The following PDS5A variants were observed in gnomAD, a reference collection of about 807,000 sequenced individuals.
PDS5A encodes sister chromatid cohesion protein PDS5 homolog A.
PDS5A carries 42 observed loss-of-function variants against 167.1 expected under a neutral mutation model. That is an observed-to-expected ratio of 0.25 (90% CI 0.20 to 0.33). The LOEUF is 0.33. PDS5A is among the 10% of genes least tolerant of loss of function. The pLI, the probability that PDS5A is intolerant of heterozygous loss-of-function variation, is 1.00. For synonymous variants in PDS5A, 553 were observed against 554.6 expected (o/e 1.00, Z 0.04); for missense variants, 1,033 against 1,605.9 (o/e 0.64, Z 6.10).
intron 2 of PDS5A, among the ~76,000 whole-genome samples, chr4:39,942,896 T>A (rs1727355682): frequency 2.6e-5 from 4 of 152,012 alleles, no homozygotes; most frequent in Admixed American, 2.6e-4. Context: ...GATCGTTTGA[T>A]GCCTGGAGTT....
chr4:39,860,235 G>A (rs528241999), intron 26 of PDS5A, among the ~76,000 whole-genome samples: 7 of 151,994 alleles, frequency 4.6e-5, no homozygotes, highest in African/African-American at 1.7e-4. Flanking sequence ...AGGCCCAGGC[G>A]GGTGGATCAC....
intron 18 of PDS5A, among the ~76,000 whole-genome samples, chr4:39,877,625 A>G (rs1560447648): frequency 6.6e-6 from 1 of 152,018 alleles, no homozygotes; most frequent in Non-Finnish European, 1.5e-5. Flanking sequence ...ATAATCTATG[A>G]GAATTTTTTT....
intron 2 of PDS5A, chr4:39,973,733 G>T (rs1236766425): frequency 3.1e-6 from 4 of 1,286,500 alleles, no homozygotes; most frequent in East Asian, 4.6e-5. Flanking sequence ...CATATGCAGA[G>T]AATGGCAAGT....
intron 2 of PDS5A, among the ~76,000 whole-genome samples, chr4:39,960,191 C>G (rs574075061): frequency 5.0e-4 from 76 of 152,082 alleles, no homozygotes; most frequent in Non-Finnish European, 9.1e-4. Flanking sequence ...ATCGCTTGAA[C>G]CCAGGAGGCA....
intron 16 of PDS5A, among the ~76,000 whole-genome samples, chr4:39,897,491 C>T (rs1302909706): frequency 1.3e-5 from 2 of 152,068 alleles, no homozygotes; most frequent in African/African-American, 4.8e-5. Context: ...CTCCACCTCC[C>T]GAGTTCAAGC....
At chr4:39,838,233 T>C in intron 31 of PDS5A, 25 bp from the exon 32 acceptor site, 1 of 1,391,502 alleles carries the variant, frequency 7.2e-7, no homozygotes, top group East Asian at 2.3e-5. Flanking sequence ...AACAATTCTA[T>C]AAACACAAAT....
intron 30 of PDS5A, among the ~76,000 whole-genome samples, chr4:39,842,885 G>A (rs1717152681): frequency 9.4e-6 from 1 of 105,908 alleles, no homozygotes; most frequent in Admixed American, 1.0e-4. Context: ...GAAAATGTTA[G>A]AACAATGTAA....
intron 26 of PDS5A, 68 bp from the exon 27 acceptor site, chr4:39,849,720 A>G (rs1457635236): frequency 6.8e-6 from 7 of 1,033,780 alleles, no homozygotes; most frequent in East Asian, 2.5e-5. Flanking sequence ...TAAATATGTT[A>G]GCTGGGAATT....
intron 5 of PDS5A, among the ~76,000 whole-genome samples, chr4:39,923,005 A>G (rs1234964391): frequency 1.3e-5 from 2 of 152,092 alleles, no homozygotes; most frequent in Admixed American, 1.3e-4. Flanking sequence ...CTAATAAACT[A>G]CATTTTCTTC....
intron 26 of PDS5A, among the ~76,000 whole-genome samples, chr4:39,856,928 T>TA (rs1279036129): frequency 6.6e-6 from 1 of 151,924 alleles, no homozygotes; most frequent in African/African-American, 2.4e-5. Flanking sequence ...TTCGTGATAA[T>TA]AAAAAATAAA....
chr4:39,948,312 C>CTTTTTTTT (rs552182165), intron 2 of PDS5A, among the ~76,000 whole-genome samples: 5 of 80,912 alleles, frequency 6.2e-5, no homozygotes, highest in Non-Finnish European at 1.1e-4. Context: ...TGAATCAAAC[C>CTTTTTTTT]TTTTTTTTTT....
chr4:39,961,458 G>A (rs762987185), intron 2 of PDS5A, among the ~76,000 whole-genome samples: 31 of 151,874 alleles, frequency 2.0e-4, no homozygotes, highest in Non-Finnish European at 3.7e-4. Context: ...ACGGGGTTTC[G>A]CCATGTTGGC....
chr4:39,863,286 G>T, intron 24 of PDS5A, 50 bp downstream of exon 24: 2 of 1,368,614 alleles, frequency 1.5e-6, no homozygotes, highest in Non-Finnish European at 2.0e-6. Flanking sequence ...GAAAAGTAAT[G>T]TATTCAACTT....
intron 2 of PDS5A, among the ~76,000 whole-genome samples, chr4:39,945,916 A>G (rs1727709846): frequency 6.6e-6 from 1 of 152,178 alleles, no homozygotes; most frequent in South Asian, 2.1e-4. Context: ...AAGAAAAAAA[A>G]GCAGGACAGG....
intron 16 of PDS5A, among the ~76,000 whole-genome samples, chr4:39,896,309 G>A (rs1327513638): frequency 2.7e-5 from 4 of 149,188 alleles, no homozygotes; most frequent in African/African-American, 9.9e-5. Flanking sequence ...GCCTCCCAAA[G>A]TGCTGAGATT....
In PDS5A at chr4:39,825,349, T is replaced by C. The variant is rs1715198061; in HGVS notation, c.*136A>G. 5 of 603,642 alleles carry C rather than the reference T, an allele frequency of 8.3e-6. No homozygotes were observed. Among genetic ancestry groups the C allele is most frequent in the South Asian group, 7.5e-5 (3 of 40,166 alleles). The allele number at this position is 603,642 out of a possible 1,614,324, so 37.4% of individuals were successfully genotyped here. A position where few individuals can be genotyped will look rare whatever the true frequency, so the allele number is the denominator to read the frequency against. On this transcript the variant is annotated 3_prime_UTR_variant, in exon 33 of 33. Transcript: ENST00000303538. ...TGTGAAAAGGAAGTAATAGTCTCTT[T>C]AGTTTTCAAGGCAGAGAGTGTGTGT...
At chr4:39,906,554 A>G (rs145863937) in intron 11 of PDS5A, among the ~76,000 whole-genome samples, 13 of 151,982 alleles carry the variant, frequency 8.6e-5, no homozygotes, top group Admixed American at 3.9e-4. Context: ...AAAACTTAGA[A>G]TGAGGATCAT....
intron 9 of PDS5A, 21 bp from the exon 10 acceptor site, chr4:39,910,359 A>G (rs755982636): frequency 9.8e-6 from 12 of 1,224,094 alleles, no homozygotes; most frequent in African/African-American, 1.5e-5. Context: ...AAAGATTGCT[A>G]AACATTAATT....
intron 16 of PDS5A, among the ~76,000 whole-genome samples, chr4:39,894,349 G>A (rs961377208): frequency 4.6e-5 from 7 of 151,978 alleles, no homozygotes; most frequent in Non-Finnish European, 8.8e-5. Flanking sequence ...CAGAGGTTAC[G>A]GTGAGCTGAG....
Sources: allele counts gnomAD v4.1 joint callset (sites outside exome capture counted in the v4.1 genomes callset), GRCh38; gene constraint gnomAD v4.1.1; transcripts MANE v1.5; gene names NCBI Gene and HGNC (gene_info 2026-07-23, HGNC 2026-07-21).